TENM2: variants seen among roughly 807,000 people sequenced by gnomAD.
The protein encoded by TENM2 is teneurin transmembrane protein 2.
Under a neutral mutation model 245.2 loss-of-function variants are expected in TENM2, and 52 were observed. That is an observed-to-expected ratio of 0.21 (90% CI 0.17 to 0.27). The LOEUF (loss-of-function observed/expected upper bound fraction) is 0.27, where lower values mean the gene tolerates loss of function less well. Ranked by LOEUF, TENM2 falls within the 10% of genes least tolerant of loss-of-function variation. The pLI is 1.00. For missense variants in TENM2, 3,046 were observed against 3,666.8 expected, an observed-to-expected ratio of 0.83 and a Z score of 4.37; for synonymous variants, 1,363 against 1,438.9, an observed-to-expected ratio of 0.95 and a Z score of 1.19.
the TENM2 span, among the ~76,000 whole-genome samples, chr5:167,082,026 G>A: frequency 4.6e-5 from 7 of 152,238 alleles, no homozygotes; most frequent in East Asian, 5.8e-4. Flanking sequence ...TCTTAAACTC[G>A]ACAGCTCTAT....
Position 167,311,996 on chromosome 5 carries a change from C to G in TENM2, c.226+26933C>G, listed in dbSNP as rs555473715. Among the ~76,000 whole-genome samples the G allele has an allele frequency of 2.6e-4, 40 of 152,240 alleles. 1 individual carries two copies. The South Asian group carries it at 3.9e-3, about 15-fold the overall frequency. On this transcript the variant is annotated intron_variant, in intron 1 of 28. Transcript: ENST00000518659. The stretch of plus-strand genomic sequence containing the variant: ...ATTTTTTAAGGTCATATGACTATCC[C>G]TTAAACCTCAATTTCTTTGCAATAG...
chr5:168,163,607 C>T (rs1757943210), intron 13 of TENM2, among the ~76,000 whole-genome samples: 1 of 152,092 alleles, frequency 6.6e-6, no homozygotes, highest in Non-Finnish European at 1.5e-5. Flanking sequence ...TTGACTGAAC[C>T]AAGGGTTGGG....
At chr5:167,944,692 G>A (rs1184455530) in intron 3 of TENM2, among the ~76,000 whole-genome samples, 14 of 152,208 alleles carry the variant, frequency 9.2e-5, no homozygotes, top group South Asian at 4.1e-4. Flanking sequence ...GGACTGGGCC[G>A]TGACTGCTGA....
At chr5:167,896,465 CAT>C (rs1775233349) in intron 3 of TENM2, among the ~76,000 whole-genome samples, 1 of 152,210 alleles carries the variant, frequency 6.6e-6, no homozygotes, top group Admixed American at 6.5e-5. Flanking sequence ...ATGGTTGAGA[CAT>C]GTGGCTTCCA....
intron 2 of TENM2, among the ~76,000 whole-genome samples, chr5:167,639,924 A>G (rs1239383311): frequency 6.6e-6 from 1 of 152,180 alleles, no homozygotes; most frequent in Non-Finnish European, 1.5e-5. Flanking sequence ...TGTCTGATCT[A>G]CCACTCAGTT....
At chr5:167,785,177 C>T (rs1489186603) in intron 2 of TENM2, among the ~76,000 whole-genome samples, 1 of 152,210 alleles carries the variant, frequency 6.6e-6, no homozygotes, top group Non-Finnish European at 1.5e-5. Context: ...GTTTTTCTCT[C>T]TCATTCGCCT....
intron 2 of TENM2, among the ~76,000 whole-genome samples, chr5:167,658,296 C>T (rs1016748308): frequency 2.0e-5 from 3 of 151,882 alleles, no homozygotes; most frequent in Non-Finnish European, 4.4e-5. Context: ...GCAACCTCCA[C>T]CTCCAGGGTT....
At chr5:167,831,983 GA>G (rs10600507) in intron 2 of TENM2, among the ~76,000 whole-genome samples, 43,177 of 134,676 alleles carry the variant, frequency 0.32, 6,958 homozygotes, top group East Asian at 0.7. Context: ...GAGAATGGAC[GA>G]AAAAAAAAAA....
intron 2 of TENM2, among the ~76,000 whole-genome samples, chr5:167,717,751 C>G (rs72830089): frequency 1.3e-4 from 20 of 152,276 alleles, no homozygotes; most frequent in Non-Finnish European, 2.5e-4. Flanking sequence ...TTCTGAGCCT[C>G]TGTTTTTGAA....
intron 27 of TENM2, among the ~76,000 whole-genome samples, chr5:168,258,464 G>A (rs576105328): frequency 6.6e-6 from 1 of 152,218 alleles, no homozygotes; most frequent in Non-Finnish European, 1.5e-5. Flanking sequence ...TCGCGCCACT[G>A]CACTCCAGCC....
intron 2 of TENM2, among the ~76,000 whole-genome samples, chr5:167,675,478 C>T (rs1167390820): frequency 6.6e-6 from 1 of 152,078 alleles, no homozygotes; most frequent in Non-Finnish European, 1.5e-5. Context: ...GAGTGTTCAA[C>T]GACTTGTTAT....
chr5:168,242,088 C>T (rs1766152349), intron 25 of TENM2, among the ~76,000 whole-genome samples: 1 of 152,054 alleles, frequency 6.6e-6, no homozygotes, highest in South Asian at 2.1e-4. Flanking sequence ...CACATTTCAC[C>T]CAGGAAAAGG....
chr5:167,206,300 A>T, the TENM2 span, among the ~76,000 whole-genome samples: 1 of 152,094 alleles, frequency 6.6e-6, no homozygotes, highest in Non-Finnish European at 1.5e-5. Context: ...GTATCATGAT[A>T]CCTATGACAC....
At chr5:167,044,152 A>G in the TENM2 span, among the ~76,000 whole-genome samples, 258 of 152,270 alleles carry the variant, frequency 1.7e-3, no homozygotes, top group African/African-American at 6.0e-3. Context: ...GACAGAAGAC[A>G]TAGGCTATCT....
chr5:167,686,739 G>A (rs1045016351), intron 2 of TENM2, among the ~76,000 whole-genome samples: 6 of 152,182 alleles, frequency 3.9e-5, no homozygotes, highest in Non-Finnish European at 7.4e-5. Flanking sequence ...GGTTTGCTGG[G>A]ATGCCTGGAG....
chr5:167,032,840 A>T, the TENM2 span, among the ~76,000 whole-genome samples: 3 of 151,826 alleles, frequency 2.0e-5, no homozygotes, highest in Non-Finnish European at 2.9e-5. Context: ...TTTCTAACTC[A>T]GCTGAAGGAT....
chr5:168,068,647 T>C (rs1790712326), intron 7 of TENM2, among the ~76,000 whole-genome samples: 1 of 152,088 alleles, frequency 6.6e-6, no homozygotes, highest in African/African-American at 2.4e-5. Context: ...AGAATAGGAC[T>C]GGGAATTAGG....
intron 1 of TENM2, among the ~76,000 whole-genome samples, chr5:167,342,170 A>G (rs1581787628): frequency 6.6e-6 from 1 of 152,128 alleles, no homozygotes; most frequent in Non-Finnish European, 1.5e-5. Context: ...TTTCTCTAAT[A>G]TCCTTTTCTG....
intron 2 of TENM2, among the ~76,000 whole-genome samples, chr5:167,650,218 C>T (rs1417704200): frequency 6.6e-6 from 1 of 152,172 alleles, no homozygotes; most frequent in Non-Finnish European, 1.5e-5. Flanking sequence ...TTTGCTTTGA[C>T]TTTCCCTGCT....
Sources: gnomAD v4.1 joint callset for allele counts (sites outside exome capture counted in the v4.1 genomes callset) on GRCh38, gnomAD v4.1.1 for gene constraint, MANE v1.5 for transcripts, NCBI Gene and HGNC (gene_info 2026-07-23, HGNC 2026-07-21) for gene names.